EHHADH: variants seen among roughly 807,000 people sequenced by gnomAD.
EHHADH encodes peroxisomal bifunctional enzyme.
EHHADH carries 48 observed loss-of-function variants against 64.4 expected under a neutral mutation model. That is an observed-to-expected ratio of 0.75 (90% confidence interval 0.59 to 0.95). The LOEUF (loss-of-function observed/expected upper bound fraction) is 0.95. EHHADH is among the 40% of genes least tolerant of loss of function. The probability of loss-of-function intolerance (pLI) is 0.00; values close to 1 mark genes in which losing one functional copy is unlikely to be tolerated. For synonymous variants in EHHADH, 308 were observed against 326.7 expected, an observed-to-expected ratio of 0.94 and a Z score of 0.62; for missense variants, 854 against 876.6, an observed-to-expected ratio of 0.97 and a Z score of 0.33.
chr3:185,202,489 A>C (rs2108628288), intron 6 of EHHADH, among the ~76,000 whole-genome samples: 1 of 152,316 alleles, frequency 6.6e-6, no homozygotes, highest in Non-Finnish European at 1.5e-5. Flanking sequence ...ATGTGGAGTG[A>C]GATCTTTGCC....
intron 5 of EHHADH, among the ~76,000 whole-genome samples, chr3:185,206,915 C>A (rs1278493762): frequency 6.7e-6 from 1 of 148,758 alleles, no homozygotes; most frequent in Non-Finnish European, 1.5e-5. Flanking sequence ...ACCCCCCCCA[C>A]CAAATGTTCA....
intron 5 of EHHADH, among the ~76,000 whole-genome samples, chr3:185,211,523 T>A (rs571366983): frequency 3.3e-5 from 5 of 152,050 alleles, no homozygotes; most frequent in Non-Finnish European, 5.9e-5. Flanking sequence ...CAACATGCGG[T>A]TCACGGAAAT....
At chr3:185,243,915 G>T (rs962696164) in intron 2 of EHHADH, among the ~76,000 whole-genome samples, 2 of 152,106 alleles carry the variant, frequency 1.3e-5, no homozygotes, top group African/African-American at 4.8e-5. Flanking sequence ...TTGATTTTCT[G>T]CCTTAATCAT....
chr3:185,209,845 T>C (rs1253141931), intron 5 of EHHADH, among the ~76,000 whole-genome samples: 2 of 152,226 alleles, frequency 1.3e-5, no homozygotes, highest in Admixed American at 6.5e-5. Context: ...ACAGTGGTTA[T>C]AGGCATGTGG....
intron 3 of EHHADH, among the ~76,000 whole-genome samples, chr3:185,233,173 A>C (rs1719183738): frequency 6.6e-6 from 1 of 152,266 alleles, no homozygotes; most frequent in Admixed American, 6.5e-5. Flanking sequence ...TAAGCAGTAC[A>C]TAATGTATGA....
At position 185,192,830 on chromosome 3, in the gene EHHADH, T is replaced by A. The variant is rs1388543545; in HGVS notation, c.1568A>T (p.Asp523Val). Residue 523 changes from aspartate to valine, a missense_variant, in exon 7 of 7, where the codon GAT becomes GTT. Coordinates refer to ENST00000231887, the MANE Select transcript of EHHADH (RefSeq NM_001966.4). Reference sequence around the variant, plus strand: ...CCAGCCCACATCCAACCCAGCAAGATCAGACACTCTAAAAGGTCCCATTTT... The same window carrying A: ...CCAGCCCACATCCAACCCAGCAAGAACAGACACTCTAAAAGGTCCCATTTT... Reference protein sequence around the residue: ...GFKMGPFRVSDLAGLDVGWKS... With the variant: ...GFKMGPFRVSVLAGLDVGWKS... The A allele has an allele frequency of 6.2e-7, 1 of 1,614,104 alleles. No homozygotes were observed. The highest frequency in any genetic ancestry group is 1.7e-5 in the Admixed American group (1 of 60,020).
At chr3:185,246,796 G>A (rs530285833) in intron 2 of EHHADH, among the ~76,000 whole-genome samples, 158 of 151,762 alleles carry the variant, frequency 1.0e-3, no homozygotes, top group African/African-American at 3.5e-3. Flanking sequence ...TGTATTTTAC[G>A]GTTAGTTTGT....
At chr3:185,248,177 C>A in intron 2 of EHHADH, 2 of 455,684 alleles carry the variant, frequency 4.4e-6, no homozygotes, top group Non-Finnish European at 7.8e-6. Flanking sequence ...TAACAGCCAT[C>A]AAGTCTGGAA....
At chr3:185,198,157 T>G (rs1718120584) in intron 6 of EHHADH, among the ~76,000 whole-genome samples, 1 of 151,912 alleles carries the variant, frequency 6.6e-6, no homozygotes, top group Non-Finnish European at 1.5e-5. Flanking sequence ...ATATGGCAAT[T>G]TTTACCTTTT....
chr3:185,241,662 G>A (rs1258876652), intron 2 of EHHADH, among the ~76,000 whole-genome samples: 2 of 151,480 alleles, frequency 1.3e-5, no homozygotes, highest in East Asian at 3.9e-4. Context: ...TTTTCTTGTT[G>A]ATATGTTTGA....
intron 4 of EHHADH, among the ~76,000 whole-genome samples, 164 bp from the exon 5 acceptor site, chr3:185,218,404 C>G (rs1718747865): frequency 6.6e-6 from 1 of 151,836 alleles, no homozygotes; most frequent in Non-Finnish European, 1.5e-5. Context: ...AGAAAGATCA[C>G]CACTGAGGTA....
chr3:185,250,770 T>C (rs538588156), intron 1 of EHHADH, among the ~76,000 whole-genome samples: 2 of 152,320 alleles, frequency 1.3e-5, no homozygotes, highest in African/African-American at 2.4e-5. Flanking sequence ...ACAAAACCTC[T>C]TGGCTTCAGC....
At chr3:185,212,656 AC>A (rs1203948852) in intron 5 of EHHADH, among the ~76,000 whole-genome samples, 3 of 125,110 alleles carry the variant, frequency 2.4e-5, no homozygotes, top group Non-Finnish European at 5.5e-5. Flanking sequence ...AAAAGGGAAT[AC>A]AAAAATTCAA....
At chr3:185,208,947 G>T (rs1398355503) in intron 5 of EHHADH, among the ~76,000 whole-genome samples, 1 of 152,214 alleles carries the variant, frequency 6.6e-6, no homozygotes, top group Non-Finnish European at 1.5e-5. Flanking sequence ...CATATTGTAT[G>T]ATGCCATTTA....
chr3:185,208,957 A>G (rs1358250502), intron 5 of EHHADH, among the ~76,000 whole-genome samples: 1 of 152,248 alleles, frequency 6.6e-6, no homozygotes, highest in Non-Finnish European at 1.5e-5. Context: ...GATGCCATTT[A>G]GATCCAAGGT....
chr3:185,229,575 G>C (rs1719100414), intron 3 of EHHADH, 32 bp from the exon 4 acceptor site: 1 of 1,350,888 alleles, frequency 7.4e-7, no homozygotes. Flanking sequence ...AAGGCCATTA[G>C]CATGAGATGG....
chr3:185,241,430 T>C (rs1038598091), intron 2 of EHHADH, among the ~76,000 whole-genome samples: 5 of 152,202 alleles, frequency 3.3e-5, no homozygotes, highest in African/African-American at 1.2e-4. Flanking sequence ...AATGTACAAG[T>C]GTTTCCTTTT....
chr3:185,226,191 C>T (rs553973707), intron 4 of EHHADH, among the ~76,000 whole-genome samples: 8 of 152,244 alleles, frequency 5.3e-5, no homozygotes, highest in South Asian at 2.1e-4. Context: ...GTGACTCTAA[C>T]GGTAGGTCAT....
At chr3:185,210,700 G>C (rs1718518564) in intron 5 of EHHADH, among the ~76,000 whole-genome samples, 1 of 151,708 alleles carries the variant, frequency 6.6e-6, no homozygotes, top group Admixed American at 6.6e-5. Flanking sequence ...GAAAAGTTCA[G>C]AAGCTGATTT....
Sources: gnomAD v4.1 joint callset for allele counts (sites outside exome capture counted in the v4.1 genomes callset) on GRCh38, gnomAD v4.1.1 for gene constraint, MANE v1.5 for transcripts, NCBI Gene and HGNC (gene_info 2026-07-23, HGNC 2026-07-21) for gene names.